The following LRIF1 variants were observed in gnomAD, a reference collection of about 807,000 sequenced individuals.
LRIF1 encodes the protein ligand-dependent nuclear receptor-interacting factor 1.
A neutral mutation model predicts 52.7 loss-of-function variants in LRIF1; 32 were observed. The observed-to-expected ratio is 0.61, with a 90% confidence interval of 0.46 to 0.82. LRIF1 has a LOEUF of 0.82. Ranked by LOEUF, LRIF1 falls within the 40% of genes least tolerant of loss-of-function variation. The pLI, the probability that LRIF1 is intolerant of heterozygous loss-of-function variation, is 0.00. For synonymous variants in LRIF1, 323 were observed against 317.4 expected (o/e 1.02, Z -0.19); for missense variants, 887 against 892.0 (o/e 0.99, Z 0.07).
At chr1:110,909,500 A>G in the LRIF1 span, among the ~76,000 whole-genome samples, 7,381 of 151,986 alleles carry the variant, frequency 0.049, 248 homozygotes, top group Middle Eastern at 0.078. Flanking sequence ...ATGCAATGAC[A>G]CATATAGGCT....
the LRIF1 span, among the ~76,000 whole-genome samples, chr1:110,930,878 C>A: frequency 1.3e-5 from 2 of 152,074 alleles, no homozygotes; most frequent in African/African-American, 4.8e-5. Context: ...GCAACATACT[C>A]AGCTTTTAGG....
the LRIF1 span, among the ~76,000 whole-genome samples, chr1:110,887,309 C>T: frequency 1.3e-5 from 2 of 152,178 alleles, no homozygotes; most frequent in African/African-American, 4.8e-5. Context: ...TGTGATCCGC[C>T]CGCCTCGGCC....
At chr1:110,885,236 G>T in the LRIF1 span, among the ~76,000 whole-genome samples, 1 of 152,062 alleles carries the variant, frequency 6.6e-6, no homozygotes, top group African/African-American at 2.4e-5. Flanking sequence ...TACTATTTTT[G>T]TTTGAACAGT....
chr1:110,877,988 G>A, the LRIF1 span, among the ~76,000 whole-genome samples: 2 of 152,162 alleles, frequency 1.3e-5, no homozygotes, highest in Non-Finnish European at 2.9e-5. Context: ...GGAAGTAATA[G>A]GCACAAAACC....
chr1:110,924,732 C>A, the LRIF1 span, among the ~76,000 whole-genome samples: 1 of 152,008 alleles, frequency 6.6e-6, no homozygotes, highest in Admixed American at 6.5e-5. Context: ...CAGCTTAATA[C>A]CAAAACTTAA....
chr1:110,886,853 A>G, the LRIF1 span, among the ~76,000 whole-genome samples: 3 of 70,158 alleles, frequency 4.3e-5, no homozygotes, highest in South Asian at 1.3e-3. Context: ...TCCAATATAT[A>G]TATATATATA....
At chr1:110,892,593 C>A in the LRIF1 span, 2 of 1,347,680 alleles carry the variant, frequency 1.5e-6, no homozygotes, top group South Asian at 1.3e-5. Flanking sequence ...AAATCCCAGG[C>A]AAGATGTTTC....
chr1:110,902,418 G>A, the LRIF1 span, among the ~76,000 whole-genome samples: 1 of 148,278 alleles, frequency 6.7e-6, no homozygotes, highest in Non-Finnish European at 1.5e-5. Context: ...AAGGCTTTGT[G>A]GAACAAAGGC....
the LRIF1 span, among the ~76,000 whole-genome samples, chr1:110,891,661 G>T: frequency 2.2e-4 from 33 of 152,274 alleles, no homozygotes; most frequent in South Asian, 6.2e-4. Context: ...CTGCAAAATT[G>T]AAAGGTACCA....
the LRIF1 span, among the ~76,000 whole-genome samples, chr1:110,934,373 A>G: frequency 4.6e-5 from 7 of 152,204 alleles, no homozygotes; most frequent in Admixed American, 1.3e-4. Context: ...CAGGCGGATC[A>G]AGAACCAAGC....
At chr1:110,886,957 T>C in the LRIF1 span, among the ~76,000 whole-genome samples, 6 of 150,994 alleles carry the variant, frequency 4.0e-5, no homozygotes, top group Non-Finnish European at 7.4e-5. Context: ...ATATCTAATC[T>C]GCCATTAATC....
the LRIF1 span, chr1:110,937,601 A>G: frequency 1.3e-5 from 2 of 152,138 alleles, no homozygotes; most frequent in Non-Finnish European, 2.9e-5. Context: ...TGAAGTTTAT[A>G]GCTATAAGTG....
intron 2 of LRIF1, among the ~76,000 whole-genome samples, chr1:110,950,753 T>G (rs1570940633): frequency 6.6e-6 from 1 of 151,386 alleles, no homozygotes; most frequent in African/African-American, 2.4e-5. Flanking sequence ...CCATCAAAGA[T>G]GCTGATAAAA....
intron 1 of LRIF1, among the ~76,000 whole-genome samples, chr1:110,962,368 C>A (rs1191265297): frequency 6.6e-6 from 1 of 151,994 alleles, no homozygotes; most frequent in Non-Finnish European, 1.5e-5. Flanking sequence ...ATTTGAAATA[C>A]AATGGTTCTA....
chr1:110,934,721 C>G, the LRIF1 span, among the ~76,000 whole-genome samples: 2 of 152,190 alleles, frequency 1.3e-5, no homozygotes, highest in African/African-American at 4.8e-5. Flanking sequence ...ACCCTAGTCC[C>G]TGACTTCCAG....
At chr1:110,911,442 C>A in the LRIF1 span, among the ~76,000 whole-genome samples, 1 of 152,018 alleles carries the variant, frequency 6.6e-6, no homozygotes, top group Non-Finnish European at 1.5e-5. Context: ...GAGGTGGTAC[C>A]AATTCTACTA....
chr1:110,956,927 A>G (rs1262495843), intron 1 of LRIF1, among the ~76,000 whole-genome samples: 1 of 152,118 alleles, frequency 6.6e-6, no homozygotes, highest in African/African-American at 2.4e-5. Flanking sequence ...AGATTACCAA[A>G]TATGTTCTCA....
At chr1:110,958,754 C>G (rs1375623369) in intron 1 of LRIF1, among the ~76,000 whole-genome samples, 7 of 152,134 alleles carry the variant, frequency 4.6e-5, no homozygotes, top group African/African-American at 1.4e-4. Context: ...TAAATTCCTG[C>G]AGGGTAGATT....
the LRIF1 span, among the ~76,000 whole-genome samples, chr1:110,912,238 G>C: frequency 6.6e-6 from 1 of 151,426 alleles, no homozygotes; most frequent in African/African-American, 2.4e-5. Context: ...TTTAGACCGA[G>C]TCTGGCTCTA....
Sources: allele counts gnomAD v4.1 joint callset (sites outside exome capture counted in the v4.1 genomes callset), GRCh38; gene constraint gnomAD v4.1.1; transcripts MANE v1.5; gene names NCBI Gene and HGNC (gene_info 2026-07-23, HGNC 2026-07-21).